The following ZEB2 variants were observed in gnomAD, a reference collection of about 807,000 sequenced individuals.
The protein encoded by ZEB2 is zinc finger E-box binding homeobox 2.
In ZEB2, 6 loss-of-function variants were observed where a neutral mutation model predicts 99.9. The ratio of observed to expected loss-of-function variants is 0.06; its 90% CI spans 0.03 to 0.12. The LOEUF (loss-of-function observed/expected upper bound fraction) is 0.12. Among genes scored for constraint, ZEB2 ranks in the 10% least tolerant of loss-of-function variants. The pLI is 1.00. For missense variants in ZEB2, 969 were observed against 1,502.8 expected, an observed-to-expected ratio of 0.64 and a Z score of 5.87; for synonymous variants, 517 against 542.5, an observed-to-expected ratio of 0.95 and a Z score of 0.65.
At chr2:144,401,014 T>C (rs930208633) in intron 7 of ZEB2, among the ~76,000 whole-genome samples, 185 bp downstream of exon 7, 5 of 152,236 alleles carry the variant, frequency 3.3e-5, no homozygotes, top group African/African-American at 1.2e-4. Context: ...CTGCTTCTTT[T>C]TATAAGACAG....
intron 2 of ZEB2, among the ~76,000 whole-genome samples, chr2:144,490,636 C>G (rs1245273352): frequency 1.3e-5 from 2 of 152,096 alleles, no homozygotes; most frequent in Non-Finnish European, 2.9e-5. Flanking sequence ...TTGGCTGTAC[C>G]CTGCCTAAAA....
At chr2:144,420,796 G>A (rs1415196540) in intron 4 of ZEB2, among the ~76,000 whole-genome samples, 1 of 152,172 alleles carries the variant, frequency 6.6e-6, no homozygotes, top group Non-Finnish European at 1.5e-5. Flanking sequence ...AGATTCAGAG[G>A]TTGGTATAAA....
At chr2:144,465,126 A>G (rs1392014831) in intron 2 of ZEB2, among the ~76,000 whole-genome samples, 3 of 152,152 alleles carry the variant, frequency 2.0e-5, no homozygotes, top group East Asian at 3.8e-4. Context: ...GTAGACCCCA[A>G]CAGTTCTCAG....
chr2:144,444,078 C>T (rs976499917), intron 2 of ZEB2, among the ~76,000 whole-genome samples: 1 of 152,184 alleles, frequency 6.6e-6, no homozygotes, highest in Non-Finnish European at 1.5e-5. Context: ...TTTTTGGTAG[C>T]TTCATCCAAA....
At chr2:144,468,932 G>A (rs1311673766) in intron 2 of ZEB2, among the ~76,000 whole-genome samples, 2 of 151,960 alleles carry the variant, frequency 1.3e-5, no homozygotes, top group Non-Finnish European at 2.9e-5. Flanking sequence ...ATCAAATCGA[G>A]GACTTACCTT....
chr2:144,417,576 A>G (rs1336622715), intron 4 of ZEB2, among the ~76,000 whole-genome samples: 1 of 152,196 alleles, frequency 6.6e-6, no homozygotes, highest in Non-Finnish European at 1.5e-5. Context: ...TGCAAATGAC[A>G]TGATTTCATT....
intron 2 of ZEB2, chr2:144,513,885 C>G: frequency 6.6e-7 from 1 of 1,519,038 alleles, no homozygotes; most frequent in South Asian, 1.2e-5. Context: ...GAAAGTGTTA[C>G]AAAGTGAGTC....
intron 2 of ZEB2, among the ~76,000 whole-genome samples, chr2:144,458,670 A>C (rs1417463690): frequency 6.6e-6 from 1 of 152,194 alleles, no homozygotes; most frequent in Non-Finnish European, 1.5e-5. Context: ...TTGAAAGATC[A>C]CTGGGAAAAG....
chr2:144,398,556 G>T lies in ZEB2; in HGVS notation c.2631C>A (p.Asn877Lys). The T allele has an allele frequency of 1.2e-6, 2 of 1,614,152 alleles. No individual in the cohort carries two copies. The highest frequency in any genetic ancestry group is 1.1e-5 in the South Asian group (1 of 91,078). ...KEFSNSNNLD[N>K]KSTNPVFSMN... ...TGCTGAACACTGGGTTAGTGCTTTT[G>T]TTGTCCAGATTATTTGAATTTGAAA... The change falls in exon 8 of 10, where the codon AAC becomes AAA. Residue 877 changes from asparagine (N) to lysine (K), a missense_variant. Asn to Lys is a moderately conservative substitution (Grantham distance 94, BLOSUM62 0). Coordinates refer to ENST00000627532, the MANE Select transcript of ZEB2 (RefSeq NM_014795.4).
chr2:144,506,005 T>C (rs964096738), intron 2 of ZEB2, among the ~76,000 whole-genome samples: 2 of 152,194 alleles, frequency 1.3e-5, no homozygotes. Context: ...GTGTTAAGAT[T>C]GGTAATACTG....
intron 2 of ZEB2, among the ~76,000 whole-genome samples, chr2:144,485,055 C>T (rs78687388): frequency 6.6e-6 from 1 of 152,142 alleles, no homozygotes; most frequent in Non-Finnish European, 1.5e-5. Flanking sequence ...GACTATGGAT[C>T]TTGGGGCCAC....
At chr2:144,507,446 T>G (rs1334660961) in intron 2 of ZEB2, 1 of 152,226 alleles carries the variant, frequency 6.6e-6, no homozygotes, top group Non-Finnish European at 1.5e-5. Flanking sequence ...TCTCAATCCC[T>G]GGACCCAGCT....
At chr2:144,425,483 A>G (rs1444531478) in intron 3 of ZEB2, among the ~76,000 whole-genome samples, 1 of 152,210 alleles carries the variant, frequency 6.6e-6, no homozygotes, top group African/African-American at 2.4e-5. Flanking sequence ...CAACTACTCC[A>G]TAAATGTCTT....
intron 2 of ZEB2, among the ~76,000 whole-genome samples, chr2:144,437,443 ACT>A (rs1406447988): frequency 6.6e-6 from 1 of 152,078 alleles, no homozygotes; most frequent in African/African-American, 2.4e-5. Flanking sequence ...ATTTTAGAAG[ACT>A]CTCTCTAATT....
chr2:144,513,440 C>A (rs1293624167), intron 2 of ZEB2: 4 of 1,445,316 alleles, frequency 2.8e-6, no homozygotes, highest in Non-Finnish European at 3.7e-6. Context: ...GGAGAAAAAT[C>A]AAATTTAACT....
intron 2 of ZEB2, among the ~76,000 whole-genome samples, chr2:144,444,464 T>G (rs1439970697): frequency 6.6e-6 from 1 of 152,232 alleles, no homozygotes; most frequent in Admixed American, 6.5e-5. Flanking sequence ...GACTGCTGAC[T>G]GTCATAAAAC....
At chr2:144,464,047 CACTT>C (rs1292777064) in intron 2 of ZEB2, 4 of 152,206 alleles carry the variant, frequency 2.6e-5, no homozygotes, top group Middle Eastern at 3.4e-3. Flanking sequence ...GTATACAAAA[CACTT>C]ACTTAGTCTA....
At chr2:144,464,934 A>G (rs943803536) in intron 2 of ZEB2, among the ~76,000 whole-genome samples, 1 of 152,182 alleles carries the variant, frequency 6.6e-6, no homozygotes, top group Non-Finnish European at 1.5e-5. Context: ...GAGCTTCTTG[A>G]TAAGATAACA....
chr2:144,401,546 T>TA (rs1703310950), intron 6 of ZEB2, among the ~76,000 whole-genome samples: 1 of 152,242 alleles, frequency 6.6e-6, no homozygotes, highest in South Asian at 2.1e-4. Context: ...ATTATTTCTG[T>TA]AGTGTCTTTT....
Sources: gnomAD v4.1 joint callset for allele counts (sites outside exome capture counted in the v4.1 genomes callset) on GRCh38, gnomAD v4.1.1 for gene constraint, MANE v1.5 for transcripts, NCBI Gene and HGNC (gene_info 2026-07-23, HGNC 2026-07-21) for gene names.